The following TAFA2 variants were observed in gnomAD, a reference collection of about 807,000 sequenced individuals.
The protein encoded by TAFA2 is TAFA chemokine like family member 2, also known as chemokine-like protein TAFA-2.
A neutral mutation model predicts 18.8 loss-of-function variants in TAFA2; 7 were observed. The observed-to-expected ratio is 0.37, with a 90% confidence interval of 0.21 to 0.70. The LOEUF (loss-of-function observed/expected upper bound fraction) is 0.70. Among genes scored for constraint, TAFA2 ranks in the 30% least tolerant of loss-of-function variants. The pLI is 0.53. For synonymous variants in TAFA2, 60 were observed against 54.2 expected (o/e 1.11, Z -0.47); for missense variants, 122 against 158.1 (o/e 0.77, Z 1.23).
In TAFA2 at chr12:62,186,571, T is replaced by A. The variant is rs1165065118; in HGVS notation, c.-2+4688A>T. Among the ~76,000 whole-genome samples the A allele has an allele frequency of 2.6e-5, 4 of 152,264 alleles. No individual in the cohort carries two copies. In the South Asian group the frequency reaches 6.2e-4, roughly 24 times the overall value. On this transcript the variant is annotated intron_variant, in intron 1 of 4. Coordinates refer to ENST00000416284, the MANE Select transcript of TAFA2 (RefSeq NM_178539.5). Reference sequence around the variant, plus strand: ...ATAAAGCTACGTTTAAAAGAAGCAATATAAATATAAATTTAATTGAATGAC... The same window carrying A: ...ATAAAGCTACGTTTAAAAGAAGCAAAATAAATATAAATTTAATTGAATGAC...
At chr12:62,117,026 T>C (rs1337066493) in intron 1 of TAFA2, among the ~76,000 whole-genome samples, 2 of 152,102 alleles carry the variant, frequency 1.3e-5, no homozygotes, top group East Asian at 1.9e-4. Context: ...AGGGAGAAAA[T>C]GGCCAACTGC....
At chr12:61,787,073 T>G (rs146208016) in intron 2 of TAFA2, among the ~76,000 whole-genome samples, 343 of 151,446 alleles carry the variant, frequency 2.3e-3, no homozygotes, top group African/African-American at 7.4e-3. Context: ...GATGAAAAGA[T>G]TAGATGAAAC....
intron 1 of TAFA2, among the ~76,000 whole-genome samples, chr12:62,181,866 G>A (rs1436254708): frequency 1.3e-5 from 2 of 152,098 alleles, no homozygotes; most frequent in East Asian, 3.9e-4. Flanking sequence ...CAATCCTATA[G>A]GAATCACTTA....
chr12:61,857,851 T>C (rs1873951013), intron 2 of TAFA2, among the ~76,000 whole-genome samples: 2 of 152,140 alleles, frequency 1.3e-5, no homozygotes, highest in South Asian at 4.1e-4. Context: ...GGAGTCTGCT[T>C]CTTGGAAGAT....
At chr12:62,196,411 C>CT (rs1383817004), upstream of TAFA2, among the ~76,000 whole-genome samples, 1 of 152,202 alleles carries the variant, frequency 6.6e-6, no homozygotes, top group Middle Eastern at 3.2e-3. Context: ...TAGTTCTCAG[C>CT]TTTTGACATG....
At chr12:61,715,803 C>T (rs1030638436) in intron 4 of TAFA2, among the ~76,000 whole-genome samples, 10 of 151,788 alleles carry the variant, frequency 6.6e-5, no homozygotes, top group South Asian at 6.3e-4. Flanking sequence ...CCTCTAGTCC[C>T]AGCTACTCAG....
At chr12:62,252,311 A>G (rs1279884356) in intron 1 of TAFA2, 1 of 152,252 alleles carries the variant, frequency 6.6e-6, no homozygotes, top group Admixed American at 6.5e-5. Flanking sequence ...AGTATTTAGA[A>G]TGATAAACCT....
chr12:62,089,616 T>C (rs2136831973), intron 1 of TAFA2, among the ~76,000 whole-genome samples: 1 of 151,922 alleles, frequency 6.6e-6, no homozygotes, highest in East Asian at 1.9e-4. Flanking sequence ...CAGAGAGAGA[T>C]ACAGAAAGAA....
At chr12:61,847,423 A>C (rs1407974213) in intron 2 of TAFA2, among the ~76,000 whole-genome samples, 1 of 152,206 alleles carries the variant, frequency 6.6e-6, no homozygotes, top group East Asian at 1.9e-4. Flanking sequence ...ACTGGGAAAT[A>C]AAATGTTTGG....
Position 61,891,906 on chromosome 12 carries a change from T to C in TAFA2, c.-1-24480A>G, listed in dbSNP as rs1240690986. 2.6e-5 allele frequency among the ~76,000 whole-genome samples: 4 copies of C among 151,826 alleles called. No homozygotes were observed. The South Asian group carries it at 6.3e-4, about 24-fold the overall frequency. ...GTAGGAAGCCACTGGAAAGTGAAAG[T>C]GGAGAGGGCTTTGAAACAACCAGGC... On this transcript the variant is annotated intron_variant, in intron 1 of 4. Transcript: ENST00000416284.
At chr12:62,147,963 T>G (rs1029257627) in intron 1 of TAFA2, among the ~76,000 whole-genome samples, 13 of 151,562 alleles carry the variant, frequency 8.6e-5, no homozygotes, top group Non-Finnish European at 1.5e-4. Flanking sequence ...TGGAAAAAAA[T>G]GTTCAACATC....
chr12:61,864,772 C>CAA (rs34286549), intron 2 of TAFA2, among the ~76,000 whole-genome samples: 4,231 of 77,462 alleles, frequency 0.055, 390 homozygotes, highest in African/African-American at 0.16. Flanking sequence ...GACTCCGTCT[C>CAA]AAAAAAAAAA....
intron 1 of TAFA2, among the ~76,000 whole-genome samples, chr12:62,011,671 C>T (rs1436109812): frequency 4.6e-5 from 7 of 151,496 alleles, no homozygotes; most frequent in Non-Finnish European, 8.8e-5. Flanking sequence ...TGTTTATCTG[C>T]TGACCTTCTC....
At chr12:62,070,406 G>A (rs539980793) in intron 1 of TAFA2, 1 of 152,252 alleles carries the variant, frequency 6.6e-6, no homozygotes, top group South Asian at 2.1e-4. Flanking sequence ...AGCAATTATA[G>A]TCAACAACCT....
At chr12:62,097,242 A>G (rs1284229466) in intron 1 of TAFA2, among the ~76,000 whole-genome samples, 1 of 152,186 alleles carries the variant, frequency 6.6e-6, no homozygotes, top group Admixed American at 6.5e-5. Flanking sequence ...ACTTGCAGTA[A>G]TATAATACTT....
intron 1 of TAFA2, among the ~76,000 whole-genome samples, chr12:61,992,070 C>A: frequency 6.6e-6 from 1 of 152,102 alleles, no homozygotes; most frequent in East Asian, 1.9e-4. Flanking sequence ...TCTACTAAAC[C>A]CCCTAGCTCA....
At chr12:61,726,686 C>G (rs1288948245) in intron 4 of TAFA2, among the ~76,000 whole-genome samples, 1 of 151,994 alleles carries the variant, frequency 6.6e-6, no homozygotes, top group Non-Finnish European at 1.5e-5. Context: ...TGAACAGTGA[C>G]AGTTTGACTT....
rs1263322491 is a variant in TAFA2 at position 61,729,163 on chromosome 12, C to T, written c.385-18746G>A. ...TTTTGCTTCACAGCTCTTAAGATGG[C>T]TTCTTTCATCTTGATTTTAGATAAC... On this transcript the variant is annotated intron_variant, in intron 4 of 4. Transcript: ENST00000416284. 2.0e-5 allele frequency among the ~76,000 whole-genome samples: 3 copies of T among 151,958 alleles called. No homozygotes were observed. In the East Asian group the frequency reaches 5.8e-4, roughly 30 times the overall value.
intron 2 of TAFA2, among the ~76,000 whole-genome samples, chr12:61,810,054 G>A (rs1356608045): frequency 1.3e-5 from 2 of 151,488 alleles, no homozygotes; most frequent in East Asian, 3.9e-4. Context: ...CTTCTCTCAT[G>A]ATCTTTGCCA....
Sources: gnomAD v4.1 joint callset for allele counts (sites outside exome capture counted in the v4.1 genomes callset) on GRCh38, gnomAD v4.1.1 for gene constraint, MANE v1.5 for transcripts, NCBI Gene and HGNC (gene_info 2026-07-23, HGNC 2026-07-21) for gene names.